MAP2K6: variants seen among roughly 807,000 people sequenced by gnomAD.
The protein encoded by MAP2K6 is dual specificity mitogen-activated protein kinase kinase 6.
In MAP2K6, 16 loss-of-function variants were observed where a neutral mutation model predicts 53.7. That is an observed-to-expected ratio of 0.30 (90% confidence interval 0.20 to 0.45). The LOEUF is 0.45. MAP2K6 is among the 20% of genes least tolerant of loss of function. The probability of loss-of-function intolerance (pLI) is 1.00; values close to 1 mark genes in which losing one functional copy is unlikely to be tolerated. For synonymous variants in MAP2K6, 132 were observed against 143.1 expected, an observed-to-expected ratio of 0.92 and a Z score of 0.55; for missense variants, 204 against 411.9, an observed-to-expected ratio of 0.50 and a Z score of 4.37.
chr17:69,471,654 C>T (rs1907985135), intron 1 of MAP2K6, among the ~76,000 whole-genome samples: 1 of 152,014 alleles, frequency 6.6e-6, no homozygotes, highest in Admixed American at 6.6e-5. Context: ...CACGTGTACC[C>T]TTGAATCTAA....
chr17:69,536,062 A>C (rs1288070179), intron 10 of MAP2K6, 53 bp from the exon 11 acceptor site: 4 of 1,213,840 alleles, frequency 3.3e-6, no homozygotes, highest in Non-Finnish European at 4.9e-6. Context: ...ATCCTTGTCT[A>C]ATGAAAATAT....
At chr17:69,486,664 C>T (rs996156417) in intron 1 of MAP2K6, among the ~76,000 whole-genome samples, 1 of 152,158 alleles carries the variant, frequency 6.6e-6, no homozygotes, top group Non-Finnish European at 1.5e-5. Flanking sequence ...AAATAAGGAT[C>T]GCAGACACAA....
At chr17:69,529,986 G>A (rs1910997178) in intron 10 of MAP2K6, among the ~76,000 whole-genome samples, 1 of 151,888 alleles carries the variant, frequency 6.6e-6, no homozygotes, top group South Asian at 2.1e-4. Flanking sequence ...TTTAATCCCA[G>A]CTACCACAGT....
In MAP2K6 at chr17:69,494,271, G is replaced by A. The variant is rs1908860126; in HGVS notation, c.17-11509G>A. 6.6e-6 allele frequency among the ~76,000 whole-genome samples: 1 copy of A among 152,244 alleles called. No homozygotes were observed. Among genetic ancestry groups the A allele is most frequent in the Non-Finnish European group, 1.5e-5 (1 of 68,048 alleles). Reference sequence around the variant, plus strand: ...CCAGCATGTTGGGAGGCCAAGGCGGGCAGATCACCTGAGGCCGAGAGTTTG... The same window carrying A: ...CCAGCATGTTGGGAGGCCAAGGCGGACAGATCACCTGAGGCCGAGAGTTTG... On this transcript the variant is annotated intron_variant, in intron 1 of 11. Transcript: ENST00000590474. This position sits in a 1 kb window ranked among gnomAD's most constrained non-coding sequence, Gnocchi z 4.2.
chr17:69,495,469 C>T (rs1205827467), intron 1 of MAP2K6, among the ~76,000 whole-genome samples: 4 of 152,130 alleles, frequency 2.6e-5, no homozygotes, highest in Admixed American at 2.6e-4. Context: ...CTCCAGACCT[C>T]AGGTGATCCA....
intron 1 of MAP2K6, among the ~76,000 whole-genome samples, chr17:69,477,983 TACAGGGAGAGAGG>T (rs1908211495): frequency 6.6e-6 from 1 of 152,144 alleles, no homozygotes; most frequent in South Asian, 2.1e-4. Context: ...GTGCATGTGT[TACAGGGAGAGAGG>T]ACAGGTAAAG....
At position 69,536,036 on chromosome 17, in the gene MAP2K6, T is replaced by G. The variant is rs536228046; in HGVS notation, c.882-79T>G. ...CTTTTAAAGCTGATTATGTTTAGTG[T>G]TCTACAGGTTCTGAAATCCTTGTCT... On this transcript the variant is annotated intron_variant, in intron 10 of 11. Transcript: ENST00000590474. 20 of 906,120 alleles carry G rather than the reference T, an allele frequency of 2.2e-5. No individual in the cohort carries two copies. In the African/African-American group the frequency reaches 3.0e-4, roughly 14 times the overall value. The allele number at this position is 906,120 out of a possible 1,614,324, so 56.1% of individuals were successfully genotyped here.
chr17:69,466,476 G>A (rs1907812786), intron 1 of MAP2K6, among the ~76,000 whole-genome samples: 1 of 152,156 alleles, frequency 6.6e-6, no homozygotes, highest in Non-Finnish European at 1.5e-5. Context: ...CCCAGAAAGT[G>A]TGTAGACCCT....
At chr17:69,501,054 C>T (rs550977272) in intron 1 of MAP2K6, among the ~76,000 whole-genome samples, 2 of 152,308 alleles carry the variant, frequency 1.3e-5, no homozygotes, top group Admixed American at 6.5e-5. Flanking sequence ...ACCCTTGGAA[C>T]GTAAGCCTAG....
At chr17:69,485,786 C>A (rs1232877386) in intron 1 of MAP2K6, among the ~76,000 whole-genome samples, 2 of 152,222 alleles carry the variant, frequency 1.3e-5, no homozygotes, top group African/African-American at 4.8e-5. Flanking sequence ...TTCATCATTT[C>A]TGTGTACCTC....
chr17:69,538,131 A>G (rs1598321871), intron 11 of MAP2K6, among the ~76,000 whole-genome samples: 2 of 152,134 alleles, frequency 1.3e-5, no homozygotes, highest in African/African-American at 2.4e-5. Flanking sequence ...GGGCCCCCCA[A>G]GTAGCTGGGA....
In MAP2K6 at chr17:69,414,770, G is replaced by A. The variant is rs1164809021; in HGVS notation, c.-215G>A. 5.7e-6 allele frequency: 3 copies of A among 530,526 alleles called. No individual in the cohort carries two copies. The highest frequency in any genetic ancestry group is 1.0e-5 in the Non-Finnish European group (3 of 296,050). 32.9% of individuals were successfully genotyped at this position (530,526 alleles called of 1,614,324 possible). On this transcript the variant is annotated 5_prime_UTR_variant, in exon 1 of 12. Coordinates refer to ENST00000590474, the MANE Select transcript of MAP2K6 (RefSeq NM_002758.4). ...CTGCAGCACAGCCTTCCCTAACGTT[G>A]CAACTGGGGGAAAAATCACTTTCCA...
chr17:69,449,699 G>T (rs1280378318), intron 1 of MAP2K6, among the ~76,000 whole-genome samples: 3 of 130,608 alleles, frequency 2.3e-5, no homozygotes, highest in African/African-American at 8.8e-5. Context: ...TGCAGGCTCC[G>T]CCCCCTGGGG....
chr17:69,498,411 C>T (rs1909025999), intron 1 of MAP2K6, among the ~76,000 whole-genome samples: 1 of 152,096 alleles, frequency 6.6e-6, no homozygotes, highest in Non-Finnish European at 1.5e-5. Context: ...ATCCTGAAGC[C>T]TCACTCTATC....
intron 1 of MAP2K6, among the ~76,000 whole-genome samples, chr17:69,429,019 A>C (rs1026342648): frequency 6.6e-6 from 1 of 151,308 alleles, no homozygotes; most frequent in African/African-American, 2.4e-5. Context: ...CCTACACAAC[A>C]CTCCCTGTGG....
rs58712110 is a variant in MAP2K6, at chr17:69,500,447, C to CAAA, written c.17-5308_17-5306dup. 1.6e-3 allele frequency among the ~76,000 whole-genome samples: 95 copies of CAAA among 57,632 alleles called. 10 individuals carry two copies. Among genetic ancestry groups the CAAA allele is most frequent in the African/African-American group, 5.0e-3 (65 of 13,120 alleles). 37.8% of individuals were successfully genotyped at this position (57,632 alleles called of 152,430 possible). On this transcript the variant is annotated intron_variant, in intron 1 of 11. Transcript: ENST00000590474. ...TGGGTGACAAAGTGAGACTCTGTCT[C>CAAA]AAAAAAAAAAAAAAAAAAAAAAAAA... is the stretch of plus-strand genomic sequence containing the variant.
At chr17:69,464,125 C>G (rs1275299272) in intron 1 of MAP2K6, among the ~76,000 whole-genome samples, 1 of 151,976 alleles carries the variant, frequency 6.6e-6, no homozygotes, top group Non-Finnish European at 1.5e-5. Context: ...CTCACTCTTG[C>G]TCAGGCTGGA....
chr17:69,423,303 C>G (rs1906156642), intron 1 of MAP2K6, among the ~76,000 whole-genome samples: 1 of 152,160 alleles, frequency 6.6e-6, no homozygotes, highest in African/African-American at 2.4e-5. Flanking sequence ...AATTCAAATT[C>G]AGCATCGACA....
intron 8 of MAP2K6, 96 bp downstream of exon 8, chr17:69,523,737 T>A: frequency 2.1e-6 from 3 of 1,437,360 alleles, no homozygotes; most frequent in Non-Finnish European, 2.9e-6. Context: ...AAAATGGAAA[T>A]GTACCTAAGA....
Sources: allele counts gnomAD v4.1 joint callset (sites outside exome capture counted in the v4.1 genomes callset), GRCh38; gene constraint gnomAD v4.1.1; non-coding constraint Gnocchi (gnomAD v3.1); transcripts MANE v1.5; gene names NCBI Gene and HGNC (gene_info 2026-07-23, HGNC 2026-07-21).